Variants in CFAP47 observed in about 807,000 individuals in gnomAD.
CFAP47 encodes the protein cilia- and flagella-associated protein 47.
In CFAP47, 29 loss-of-function variants were observed where a neutral mutation model predicts 148.1. The observed-to-expected ratio is 0.20, with a 90% CI of 0.15 to 0.27. CFAP47 has a LOEUF of 0.27. Among genes scored for constraint, CFAP47 ranks in the 10% least tolerant of loss-of-function variants. The pLI is 1.00. For synonymous variants in CFAP47, 664 were observed against 577.3 expected (o/e 1.15, Z -2.15); for missense variants, 1,872 against 1,697.5 (o/e 1.10, Z -1.81).
chrX:35,952,849 T>A (rs1319790574), intron 6 of CFAP47, among the ~76,000 whole-genome samples: 1 of 111,925 alleles, frequency 8.9e-6, no homozygotes, highest in Non-Finnish European at 1.9e-5. Context: ...AACTTGAGAG[T>A]CTAGCATAGA....
intron 62 of CFAP47, among the ~76,000 whole-genome samples, chrX:36,377,797 A>G (rs1159242804): frequency 1.8e-5 from 2 of 112,457 alleles, no homozygotes; most frequent in African/African-American, 3.2e-5. Flanking sequence ...ACTGATGACT[A>G]AAGTATTATT....
intron 57 of CFAP47, among the ~76,000 whole-genome samples, chrX:36,331,259 A>G (rs1175076136): frequency 9.1e-6 from 1 of 110,333 alleles, no homozygotes; most frequent in East Asian, 2.9e-4. Context: ...TCACTTGACT[A>G]TTTTTTTTCT....
At chrX:36,141,451 G>T (rs1939138459) in intron 35 of CFAP47, among the ~76,000 whole-genome samples, 2 of 111,425 alleles carry the variant, frequency 1.8e-5, no homozygotes, top group African/African-American at 6.5e-5. Context: ...AGCCCCAGCT[G>T]ATTGGATGGT....
chrX:36,291,024 T>C (rs1602093561), intron 51 of CFAP47, among the ~76,000 whole-genome samples: 1 of 112,362 alleles, frequency 8.9e-6, no homozygotes, highest in East Asian at 2.8e-4. Context: ...TGAACTTTCT[T>C]TTCCTTGCAT....
At chrX:36,200,751 A>G (rs782440709) in intron 43 of CFAP47, among the ~76,000 whole-genome samples, 1 of 111,963 alleles carries the variant, frequency 8.9e-6, no homozygotes, top group Non-Finnish European at 1.9e-5. Context: ...CAAAATATTT[A>G]CTTGGCAACA....
chrX:36,044,625 C>T (rs984547739), intron 25 of CFAP47, among the ~76,000 whole-genome samples: 1 of 111,997 alleles, frequency 8.9e-6, no homozygotes, highest in Non-Finnish European at 1.9e-5. Flanking sequence ...CCAATAAGTT[C>T]CTCATCTCTA....
chrX:36,361,554 G>T (rs1000217628), intron 61 of CFAP47, 53 bp downstream of exon 61: 6 of 481,313 alleles, frequency 1.2e-5, no homozygotes, highest in Non-Finnish European at 1.9e-5. Flanking sequence ...CCTTTTAAAT[G>T]TATTAATGTT....
chrX:36,308,193 TA>T (rs1225440961), intron 55 of CFAP47, among the ~76,000 whole-genome samples: 1 of 111,617 alleles, frequency 9.0e-6, no homozygotes, highest in Non-Finnish European at 1.9e-5. Flanking sequence ...TTAAATTCTT[TA>T]TCAAACACAA....
At chrX:35,929,859 C>T (rs967075283) in intron 2 of CFAP47, among the ~76,000 whole-genome samples, 1 of 110,150 alleles carries the variant, frequency 9.1e-6, no homozygotes, top group South Asian at 3.9e-4. Flanking sequence ...ATTAGCTGGG[C>T]GTGGTGGTGC....
At chrX:35,941,586 C>G (rs1428950156) in intron 3 of CFAP47, among the ~76,000 whole-genome samples, 188 bp downstream of exon 3, 1 of 111,460 alleles carries the variant, frequency 9.0e-6, no homozygotes, top group African/African-American at 3.3e-5. Context: ...AAAAATGAAC[C>G]TTCCTCCTTA....
chrX:36,288,372 CAT>C (rs1243816600), intron 51 of CFAP47, among the ~76,000 whole-genome samples: 6 of 111,926 alleles, frequency 5.4e-5, no homozygotes, highest in African/African-American at 1.9e-4. Context: ...TCTTGTATGT[CAT>C]ATAGTTTGGC....
rs1342136605 is a variant in CFAP47 at position 36,074,236 on chromosome X, A to G, written c.4691+872A>G. On this transcript the variant is annotated intron_variant, in intron 29 of 63. Transcript: ENST00000378653. ...AATTTATAGTTTTCATCATAAAATC[A>G]TTTGTTATTGAAACATTTTTTGGAA... is the stretch of plus-strand genomic sequence containing the variant. Among the ~76,000 whole-genome samples, 5 of 111,986 alleles carry G rather than the reference A, an allele frequency of 4.5e-5. No individual in the cohort carries two copies. The East Asian group carries it at 1.4e-3, about 31-fold the overall frequency.
chrX:36,316,643 A>G (rs1701900656), intron 56 of CFAP47, among the ~76,000 whole-genome samples: 2 of 112,040 alleles, frequency 1.8e-5, no homozygotes, highest in Admixed American at 1.9e-4. Flanking sequence ...CTCATCCGTG[A>G]CTGCAGATGG....
chrX:36,115,553 C>T (rs966509855), intron 33 of CFAP47, among the ~76,000 whole-genome samples: 1 of 111,671 alleles, frequency 9.0e-6, no homozygotes, highest in East Asian at 2.8e-4. Flanking sequence ...GCTAATCAAG[C>T]ACTGGGACCT....
intron 29 of CFAP47, among the ~76,000 whole-genome samples, chrX:36,078,260 T>A (rs1937903804): frequency 9.0e-6 from 1 of 110,805 alleles, no homozygotes; most frequent in Non-Finnish European, 1.9e-5. Flanking sequence ...GATATCCTTG[T>A]TAATCTTCGG....
chrX:36,096,084 A>G (rs1938271261), intron 30 of CFAP47, among the ~76,000 whole-genome samples: 2 of 110,983 alleles, frequency 1.8e-5, no homozygotes, highest in Non-Finnish European at 3.8e-5. Flanking sequence ...AATTTTTTCA[A>G]TTTCCTTAAT....
intron 8 of CFAP47, among the ~76,000 whole-genome samples, chrX:35,965,662 A>G (rs1936391071): frequency 8.9e-6 from 1 of 111,791 alleles, no homozygotes; most frequent in African/African-American, 3.2e-5. Context: ...ACAGAGTAAT[A>G]TATACCTATA....
At chrX:36,033,430 C>T (rs1937303645) in intron 23 of CFAP47, among the ~76,000 whole-genome samples, 1 of 111,551 alleles carries the variant, frequency 9.0e-6, no homozygotes, top group South Asian at 3.7e-4. Context: ...TTATAGATAA[C>T]TGTATCATTT....
chrX:36,005,419 C>A (rs911776024), intron 21 of CFAP47, among the ~76,000 whole-genome samples: 7 of 112,009 alleles, frequency 6.2e-5, no homozygotes, highest in Non-Finnish European at 1.1e-4. Context: ...CAATTTCCCA[C>A]ATAATTTATT....
Sources: gnomAD v4.1 joint callset for allele counts (sites outside exome capture counted in the v4.1 genomes callset) on GRCh38, gnomAD v4.1.1 for gene constraint, MANE v1.5 for transcripts, NCBI Gene and HGNC (gene_info 2026-07-23, HGNC 2026-07-21) for gene names.